Variants in SH3GL1 observed in about 807,000 individuals in gnomAD.
The protein encoded by SH3GL1 is SH3 domain containing GRB2 like 1, endophilin A2.
A neutral mutation model predicts 48.8 loss-of-function variants in SH3GL1; 21 were observed. The ratio of observed to expected loss-of-function variants is 0.43; its 90% confidence interval spans 0.30 to 0.62. SH3GL1 has a LOEUF of 0.62. SH3GL1 is among the 20% of genes least tolerant of loss of function. The pLI, the probability that SH3GL1 is intolerant of heterozygous loss-of-function variation, is 0.11. For synonymous variants in SH3GL1, 282 were observed against 217.5 expected (o/e 1.30, Z -2.61); for missense variants, 454 against 503.0 (o/e 0.90, Z 0.93).
rs768862382 is a variant in SH3GL1, at chr19:4,361,204, G to A, written c.*396C>T. ...TCCTGTTAAGGCTGCGGGACTCGAG[G>A]GTAGGCAGTGGGCCGGGCCCCCGTC... On this transcript the variant is annotated 3_prime_UTR_variant, in exon 10 of 10. Transcript: ENST00000269886. 24 of 303,878 alleles carry A rather than the reference G, an allele frequency of 7.9e-5. No individual in the cohort carries two copies. Among genetic ancestry groups the A allele is most frequent in the Middle Eastern group, 1.8e-3 (2 of 1,086 alleles). The allele number at this position is 303,878 out of a possible 1,614,324, so 18.8% of individuals were successfully genotyped here.
At chr19:4,364,499 C>T in intron 4 of SH3GL1, 1 of 435,114 alleles carries the variant, frequency 2.3e-6, no homozygotes, top group South Asian at 2.2e-5. Context: ...GGCATGATCT[C>T]AGCTCACTGC....
At chr19:4,378,299 C>T (rs190429736) in intron 1 of SH3GL1, among the ~76,000 whole-genome samples, 272 of 152,116 alleles carry the variant, frequency 1.8e-3, no homozygotes, top group African/African-American at 6.2e-3. Context: ...CCTGGATGGG[C>T]GACACCGGGA....
chr19:4,398,233 G>A lies in SH3GL1; in HGVS notation c.45+2091C>T, dbSNP rs547262416. 3.3e-5 allele frequency among the ~76,000 whole-genome samples: 5 copies of A among 152,136 alleles called. No individual in the cohort carries two copies. In the East Asian group the frequency reaches 7.7e-4, roughly 24 times the overall value. On this transcript the variant is annotated intron_variant, in intron 1 of 9. Coordinates refer to ENST00000269886, the MANE Select transcript of SH3GL1 (RefSeq NM_003025.4). ...CTCTTTGCTCCCACTGGGCATCTCCGAACTGTGGGCAGAGAACCCTGTTTG... is the reference window on the plus strand; with the variant it reads ...CTCTTTGCTCCCACTGGGCATCTCCAAACTGTGGGCAGAGAACCCTGTTTG...
chr19:4,377,893 G>C (rs1447944933), intron 1 of SH3GL1, among the ~76,000 whole-genome samples: 1 of 152,254 alleles, frequency 6.6e-6, no homozygotes, highest in Non-Finnish European at 1.5e-5. Flanking sequence ...TCTCCTGTCT[G>C]AAGACTCGCG....
intron 2 of SH3GL1, 125 bp downstream of exon 2, chr19:4,366,800 TC>T (rs1359666970): frequency 9.8e-7 from 1 of 1,023,656 alleles, no homozygotes; most frequent in Non-Finnish European, 1.5e-6. Flanking sequence ...ACCCCATCTC[TC>T]CACACCTGCC....
In SH3GL1 at chr19:4,400,306, G is replaced by A. The variant is rs1380241265; in HGVS notation, c.45+18C>T. The A allele has an allele frequency of 6.3e-7, 1 of 1,596,200 alleles. No individual in the cohort carries two copies. Among genetic ancestry groups the A allele is most frequent in the East Asian group, 2.3e-5 (1 of 42,932 alleles). On this transcript the variant is annotated intron_variant, in intron 1 of 9. Transcript: ENST00000269886. The surrounding 1 kb of genome is among the most constrained non-coding windows in gnomAD (Gnocchi z 4.1). ...GCCCGGGGCCCGGTACTCGGCTCCC[G>A]CCTGGGCCTGCGCTCACCTGGCTCG...
At chr19:4,399,859 CAG>C (rs1239535171) in intron 1 of SH3GL1, among the ~76,000 whole-genome samples, 2 of 152,224 alleles carry the variant, frequency 1.3e-5, no homozygotes, top group African/African-American at 4.8e-5. Context: ...GCCCGAGGAG[CAG>C]AGAGGGGAAA....
Position 4,374,075 on chromosome 19 carries a change from C to T in SH3GL1, c.46-7081G>A, listed in dbSNP as rs147853965. 2.6e-5 allele frequency among the ~76,000 whole-genome samples: 4 copies of T among 152,274 alleles called. No homozygotes were observed. In the East Asian group the frequency reaches 7.7e-4, roughly 29 times the overall value. On this transcript the variant is annotated intron_variant, in intron 1 of 9. Transcript: ENST00000269886. The stretch of plus-strand genomic sequence containing the variant: ...CTTTGTTGTGTGCGCGGCAGCGAGC[C>T]GATGTCATTTGAAGTCACAGCACAT...
chr19:4,394,336 C>A lies in SH3GL1; in HGVS notation c.45+5988G>T, dbSNP rs188360392. Among the ~76,000 whole-genome samples the A allele has an allele frequency of 1.8e-4, 27 of 152,252 alleles. No individual in the cohort carries two copies. The East Asian group carries it at 2.5e-3, about 14-fold the overall frequency. Reference sequence around the variant, plus strand: ...GCGGCATTCTTTCACCCTCCTTAGTCCCCCAGTTCTAGCTGCGCACGGATG... The same window carrying A: ...GCGGCATTCTTTCACCCTCCTTAGTACCCCAGTTCTAGCTGCGCACGGATG... On this transcript the variant is annotated intron_variant, in intron 1 of 9. Coordinates refer to ENST00000269886, the MANE Select transcript of SH3GL1 (RefSeq NM_003025.4).
chr19:4,386,602 A>G (rs1973240736), intron 1 of SH3GL1, among the ~76,000 whole-genome samples: 1 of 148,438 alleles, frequency 6.7e-6, no homozygotes, highest in South Asian at 2.1e-4. Flanking sequence ...CCTCCCTCAG[A>G]GCTGGGATTA....
intron 1 of SH3GL1, among the ~76,000 whole-genome samples, chr19:4,383,883 C>A (rs950398305): frequency 1.3e-5 from 2 of 152,182 alleles, no homozygotes; most frequent in African/African-American, 4.8e-5. Flanking sequence ...CAGAACACAG[C>A]GTTGAGAGCT....
At chr19:4,366,852 G>A (rs753682662) in intron 2 of SH3GL1, 74 bp downstream of exon 2, 607 of 1,474,976 alleles carry the variant, frequency 4.1e-4, no homozygotes, top group Non-Finnish European at 2.2e-4. Flanking sequence ...AAGGTTGGCC[G>A]CCTCCACTAT....
At position 4,367,844 on chromosome 19, in the gene SH3GL1, C is replaced by T. The variant is rs1236385309; in HGVS notation, c.46-850G>A. On this transcript the variant is annotated intron_variant, in intron 1 of 9. Transcript: ENST00000269886. The surrounding 1 kb of genome is among the most constrained non-coding windows in gnomAD (Gnocchi z 4.2). Reference sequence around the variant, plus strand: ...TGAGCACAGGCGTTGCTTTCTTCACCCCACGTATCCCATGTGTGCCTGGCG... The same window carrying T: ...TGAGCACAGGCGTTGCTTTCTTCACTCCACGTATCCCATGTGTGCCTGGCG... Among the ~76,000 whole-genome samples, 3 of 152,238 alleles carry T rather than the reference C, an allele frequency of 2.0e-5. No individual in the cohort carries two copies. Among genetic ancestry groups the T allele is most frequent in the South Asian group, 2.1e-4 (1 of 4,830 alleles).
At chr19:4,396,111 G>T (rs1973420759) in intron 1 of SH3GL1, 1 of 151,926 alleles carries the variant, frequency 6.6e-6, no homozygotes, top group African/African-American at 2.4e-5. Context: ...ATATCTACCT[G>T]TGGGGCGGGG....
At position 4,362,649 on chromosome 19, in the gene SH3GL1, G is replaced by T; in HGVS notation, c.816C>A (p.Asn272Lys). ...PFDLGEPEQS[N>K]GGFPCTTAPK... is the part of the protein sequence containing the mutation. ...GGGCTGTGGTGCAGGGGAAGCCCCC[G>T]TTGGACTGCTCAGGCTCTCCAAGGT... The change falls in exon 8 of 10, where the codon AAC becomes AAA. Residue 272 changes from asparagine (N) to lysine (K), a missense_variant. This residue lies in a region of SH3GL1 where 278 missense variants were observed against 246.8 expected (regional missense o/e 1.13). Transcript: ENST00000269886. 6.2e-7 allele frequency: 1 copy of T among 1,613,924 alleles called. No homozygotes were observed. The highest frequency in any genetic ancestry group is 8.5e-7 in the Non-Finnish European group (1 of 1,179,994).
At chr19:4,369,821 G>A (rs926803338) in intron 1 of SH3GL1, among the ~76,000 whole-genome samples, 3 of 152,238 alleles carry the variant, frequency 2.0e-5, no homozygotes, top group East Asian at 3.8e-4. Flanking sequence ...GGTCCCCCAC[G>A]GGCCAGGCAC....
intron 1 of SH3GL1, among the ~76,000 whole-genome samples, chr19:4,384,379 G>GAT (rs1973195620): frequency 1.3e-5 from 2 of 152,208 alleles, no homozygotes; most frequent in African/African-American, 4.8e-5. Flanking sequence ...CACACTTTAC[G>GAT]AGTGCGCAAC....
Position 4,361,539 on chromosome 19 carries a change from G to T in SH3GL1, c.*61C>A. The T allele has an allele frequency of 1.5e-6, 2 of 1,329,582 alleles. No individual in the cohort carries two copies. The highest frequency in any genetic ancestry group is 2.6e-5 in the South Asian group (2 of 76,488). The allele number at this position is 1,329,582 out of a possible 1,614,324, so 82.4% of individuals were successfully genotyped here. A position where few individuals can be genotyped will look rare whatever the true frequency, so the allele number is the denominator to read the frequency against. ...GCAGCAGGGGCTCCGTGGAATGCAG[G>T]AGACCCAGCAGGGGGTGCCGGCCAG... On this transcript the variant is annotated 3_prime_UTR_variant, in exon 10 of 10. Transcript: ENST00000269886.
chr19:4,361,531 G>A lies in SH3GL1; in HGVS notation c.*69C>T. 1 of 1,237,212 alleles carries A rather than the reference G, an allele frequency of 8.1e-7. No individual in the cohort carries two copies. 76.6% of individuals were successfully genotyped at this position (1,237,212 alleles called of 1,614,324 possible). ...CCGCCCTGGCAGCAGGGGCTCCGTG[G>A]AATGCAGGAGACCCAGCAGGGGGTG... On this transcript the variant is annotated 3_prime_UTR_variant, in exon 10 of 10. Coordinates refer to ENST00000269886, the MANE Select transcript of SH3GL1 (RefSeq NM_003025.4).
Sources: gnomAD v4.1 joint callset for allele counts (sites outside exome capture counted in the v4.1 genomes callset) on GRCh38, gnomAD v4.1.1 for gene constraint, gnomAD v4.1.1 regional missense constraint, Gnocchi (gnomAD v3.1) non-coding constraint, MANE v1.5 for transcripts, NCBI Gene and HGNC (gene_info 2026-07-23, HGNC 2026-07-21) for gene names.